PTN: variants seen among roughly 807,000 people sequenced by gnomAD.
The protein encoded by PTN is heparin affin regulatory protein.
A neutral mutation model predicts 24.1 loss-of-function variants in PTN; 18 were observed. That is an observed-to-expected ratio of 0.75 (90% CI 0.52 to 1.11). The LOEUF (loss-of-function observed/expected upper bound fraction) is 1.11, where lower values mean the gene tolerates loss of function less well. PTN is among the 50% of genes least tolerant of loss of function. The pLI is 0.00. For missense variants in PTN, 163 were observed against 198.8 expected (o/e 0.82, Z 1.08); for synonymous variants, 78 against 68.6 (o/e 1.14, Z -0.67).
intron 1 of PTN, among the ~76,000 whole-genome samples, chr7:137,257,214 C>T (rs1047153245): frequency 2.6e-5 from 4 of 152,230 alleles, no homozygotes; most frequent in African/African-American, 9.6e-5. Context: ...ATCTCCAGCA[C>T]TTTCTACAAT....
intron 4 of PTN, among the ~76,000 whole-genome samples, chr7:137,236,659 G>A (rs1004076364): frequency 2.0e-5 from 3 of 151,982 alleles, no homozygotes; most frequent in Admixed American, 6.6e-5. Context: ...AAACACAAAA[G>A]AACGATTTAT....
chr7:137,234,230 C>T (rs900071622), intron 4 of PTN, among the ~76,000 whole-genome samples: 4 of 151,854 alleles, frequency 2.6e-5, no homozygotes, highest in Non-Finnish European at 4.4e-5. Context: ...AACCTTTCAT[C>T]TTTTGTACAT....
chr7:137,251,947 C>T (rs186110376), intron 3 of PTN, among the ~76,000 whole-genome samples: 27 of 151,874 alleles, frequency 1.8e-4, no homozygotes, highest in Admixed American at 1.4e-3. Context: ...GAAGGACATC[C>T]GAGTTGTTAC....
intron 4 of PTN, among the ~76,000 whole-genome samples, chr7:137,235,726 T>G (rs1253106062): frequency 6.6e-6 from 1 of 152,138 alleles, no homozygotes; most frequent in African/African-American, 2.4e-5. Flanking sequence ...GCTGATACTT[T>G]GCTTCATCCA....
intron 4 of PTN, among the ~76,000 whole-genome samples, chr7:137,237,730 C>T (rs1808548885): frequency 6.6e-6 from 1 of 151,860 alleles, no homozygotes; most frequent in Non-Finnish European, 1.5e-5. Context: ...TCTTCTGCCC[C>T]AAAAGACCCA....
Position 137,343,419 on chromosome 7 carries a change from C to T in PTN, c.-2+20G>A, listed in dbSNP as rs145466681. The T allele has an allele frequency of 7.9e-4, 398 of 504,314 alleles. 1 individual carries two copies. The highest frequency in any genetic ancestry group is 1.1e-3 in the Non-Finnish European group (287 of 250,940). 31.2% of individuals were successfully genotyped at this position (504,314 alleles called of 1,614,324 possible). A position where few individuals can be genotyped will look rare whatever the true frequency, so the allele number is the denominator to read the frequency against. On this transcript the variant is annotated intron_variant, in intron 1 of 4. Coordinates refer to ENST00000348225, the MANE Select transcript of PTN (RefSeq NM_002825.7). ...TCGATCGAAGAGCCCTCCGAGAAAT[C>T]GTACGTTCCTCTCACTTACTTTGAG...
rs144077225 is a variant in PTN at position 137,270,398 on chromosome 7, C to T, written c.-1-15424G>A. Among the ~76,000 whole-genome samples, 1,328 of 152,240 alleles carry T rather than the reference C, an allele frequency of 8.7e-3. 13 individuals are homozygous for T. Among genetic ancestry groups the T allele is most frequent in the African/African-American group, 0.031 (1,271 of 41,554 alleles). ...AAATGTCCTGATTATTTTTGTCATA[C>T]AGTCAAATGCTTGTCTTTTCTTATT... On this transcript the variant is annotated intron_variant, in intron 1 of 4. Coordinates refer to ENST00000348225, the MANE Select transcript of PTN (RefSeq NM_002825.7).
intron 1 of PTN, among the ~76,000 whole-genome samples, chr7:137,316,758 A>G (rs1270305625): frequency 6.6e-6 from 1 of 152,170 alleles, no homozygotes; most frequent in African/African-American, 2.4e-5. Context: ...CCAGAGCATT[A>G]CCTTTCCAGC....
intron 1 of PTN, among the ~76,000 whole-genome samples, chr7:137,302,025 AT>A (rs1455707287): frequency 1.3e-5 from 2 of 152,050 alleles, no homozygotes; most frequent in African/African-American, 4.8e-5. Context: ...AATCAATAGC[AT>A]TAACAGTTAT....
In PTN at chr7:137,324,392, G is replaced by A. The variant is rs1370598700; in HGVS notation, c.-2+19047C>T. Among the ~76,000 whole-genome samples the A allele has an allele frequency of 2.3e-5, 3 of 130,558 alleles. No individual in the cohort carries two copies. In the Admixed American group the frequency reaches 2.5e-4, roughly 11 times the overall value. 85.7% of individuals were successfully genotyped at this position (130,558 alleles called of 152,430 possible). ...GTGAATAGCAACTGCACTCCAGCCT[G>A]GGCAGCACAGCGAGACCCTGTCTCT... On this transcript the variant is annotated intron_variant, in intron 1 of 4. Transcript: ENST00000348225.
intron 1 of PTN, among the ~76,000 whole-genome samples, chr7:137,293,300 G>A (rs1003260488): frequency 1.3e-5 from 2 of 152,070 alleles, no homozygotes; most frequent in Admixed American, 6.5e-5. Flanking sequence ...CCTGACTGAC[G>A]GGATGAGACA....
chr7:137,321,543 G>A (rs1810162991), intron 1 of PTN, among the ~76,000 whole-genome samples: 1 of 152,188 alleles, frequency 6.6e-6, no homozygotes, highest in Admixed American at 6.5e-5. Context: ...GATGGTAGAT[G>A]CTCAAAGATA....
intron 4 of PTN, among the ~76,000 whole-genome samples, chr7:137,242,847 C>G (rs1036392015): frequency 1.3e-5 from 2 of 152,170 alleles, no homozygotes; most frequent in Admixed American, 6.5e-5. Flanking sequence ...CCCCCACGGA[C>G]GGGTCCATCC....
chr7:137,275,697 ACT>A (rs10577020), intron 1 of PTN, among the ~76,000 whole-genome samples: 78,400 of 151,840 alleles, frequency 0.52, 22,468 homozygotes, highest in East Asian at 0.75. Context: ...TGAAGGCAAG[ACT>A]CTCTAGTATT....
chr7:137,270,396 TAC>T (rs1809254499), intron 1 of PTN, among the ~76,000 whole-genome samples: 1 of 152,236 alleles, frequency 6.6e-6, no homozygotes, highest in Non-Finnish European at 1.5e-5. Context: ...ATTTTTGTCA[TAC>T]AGTCAAATGC....
At chr7:137,328,719 G>T (rs10255150) in intron 1 of PTN, among the ~76,000 whole-genome samples, 1 of 151,830 alleles carries the variant, frequency 6.6e-6, no homozygotes, top group Non-Finnish European at 1.5e-5. Context: ...TTTCCTCAGC[G>T]CAGGCATGTT....
intron 1 of PTN, among the ~76,000 whole-genome samples, chr7:137,317,816 G>T (rs776927280): frequency 2.0e-5 from 3 of 152,152 alleles, no homozygotes; most frequent in Non-Finnish European, 4.4e-5. Flanking sequence ...TATAGTCTTT[G>T]CAGGAAGATG....
intron 1 of PTN, chr7:137,326,694 C>T (rs1361220220): frequency 6.6e-6 from 1 of 152,186 alleles, no homozygotes; most frequent in Non-Finnish European, 1.5e-5. Flanking sequence ...TTAGGAGACA[C>T]TACCTCCTGG....
At chr7:137,251,477 T>C in intron 3 of PTN, 86 bp from the exon 4 acceptor site, 4 of 1,419,070 alleles carry the variant, frequency 2.8e-6, no homozygotes, top group South Asian at 1.3e-5. Flanking sequence ...TGTTTGTAAC[T>C]TTTTTATTGA....
Sources: gnomAD v4.1 joint callset for allele counts (sites outside exome capture counted in the v4.1 genomes callset) on GRCh38, gnomAD v4.1.1 for gene constraint, MANE v1.5 for transcripts, NCBI Gene and HGNC (gene_info 2026-07-23, HGNC 2026-07-21) for gene names.